The following POLR2F variants were observed in gnomAD, a reference collection of about 807,000 sequenced individuals.
POLR2F encodes DNA-directed RNA polymerases I, II, and III subunit RPABC2.
Under a neutral mutation model 22.7 loss-of-function variants are expected in POLR2F, and 12 were observed. That is an observed-to-expected ratio of 0.53 (90% CI 0.34 to 0.86). The LOEUF (loss-of-function observed/expected upper bound fraction) is 0.86. POLR2F is among the 40% of genes least tolerant of loss of function. The pLI is 0.02. For synonymous variants in POLR2F, 57 were observed against 66.0 expected (o/e 0.86, Z 0.66); for missense variants, 126 against 171.5 (o/e 0.73, Z 1.48).
At chr22:38,031,586 A>G (rs73886240), downstream of POLR2F, among the ~76,000 whole-genome samples, 1,311 of 152,290 alleles carry the variant, frequency 8.6e-3, 25 homozygotes, top group African/African-American at 0.03. The surrounding 1 kb of genome is among the most constrained non-coding windows in gnomAD (Gnocchi z 4.1). Context: ...GGTCCCCACC[A>G]GCACCAACAC....
chr22:38,014,178 A>G (rs182005011), intron 1 of POLR2F, among the ~76,000 whole-genome samples: 8 of 151,444 alleles, frequency 5.3e-5, no homozygotes, highest in Non-Finnish European at 4.4e-5. Context: ...TTCACCTTCT[A>G]TCTTGCAACC....
At chr22:37,973,557 G>A, downstream of POLR2F, 1 of 1,612,496 alleles carries the variant, frequency 6.2e-7, no homozygotes, top group Non-Finnish European at 8.5e-7. Context: ...TGGGACTGGG[G>A]CCCTGAGGGG....
intron 1 of POLR2F, among the ~76,000 whole-genome samples, chr22:37,993,306 C>A (rs1932756342): frequency 6.6e-6 from 1 of 152,162 alleles, no homozygotes; most frequent in African/African-American, 2.4e-5. Context: ...TCTTCTCATT[C>A]CAGATTCCTT....
intron 1 of POLR2F, among the ~76,000 whole-genome samples, chr22:38,014,427 C>T (rs150197015): frequency 7.7e-4 from 115 of 149,202 alleles, no homozygotes; most frequent in African/African-American, 2.7e-3. Flanking sequence ...CTCGGCTCAT[C>T]ACAACTTCTG....
At chr22:38,030,041 C>A (rs995693256), downstream of POLR2F, among the ~76,000 whole-genome samples, 3 of 152,226 alleles carry the variant, frequency 2.0e-5, no homozygotes, top group Non-Finnish European at 2.9e-5. Context: ...TTTCCACAAG[C>A]ATCATCTGTT....
upstream of POLR2F, chr22:37,983,835 C>T (rs750082298): frequency 8.2e-6 from 11 of 1,335,414 alleles, 2 homozygotes; most frequent in South Asian, 1.4e-4. The surrounding 1 kb of genome is among the most constrained non-coding windows in gnomAD (Gnocchi z 9.5). Flanking sequence ...CCCGGGCCAG[C>T]CGCCGGGGTC....
intron 1 of POLR2F, among the ~76,000 whole-genome samples, chr22:37,955,160 C>G (rs1014936460): frequency 6.6e-6 from 1 of 150,434 alleles, no homozygotes; most frequent in African/African-American, 2.5e-5. Context: ...TCAAAGGACA[C>G]CATGGAATTA....
In POLR2F at chr22:37,968,506, C is replaced by T. The variant is rs938220067; in HGVS notation, c.*791C>T. 4.1e-6 allele frequency: 4 copies of T among 985,822 alleles called. No individual in the cohort carries two copies. The African/African-American group carries it at 5.2e-5, about 13-fold the overall frequency. The allele number at this position is 985,822 out of a possible 1,614,324, so 61.1% of individuals were successfully genotyped here. On this transcript the variant is annotated 3_prime_UTR_variant, in exon 5 of 5. Coordinates refer to ENST00000442738, the MANE Select transcript of POLR2F (RefSeq NM_021974.5). ...GGGACATGGTGCTGGGGTGGTGGTG[C>T]TCCTGGGTTCCAGGTGTTACATTAA...
upstream of POLR2F, among the ~76,000 whole-genome samples, chr22:37,985,929 A>T (rs1932559544): frequency 6.6e-6 from 1 of 151,746 alleles, no homozygotes; most frequent in Non-Finnish European, 1.5e-5. Context: ...TAGGAGTTTG[A>T]TAAGGGTTTT....
intron 1 of POLR2F, among the ~76,000 whole-genome samples, chr22:37,994,831 A>G (rs1354524237): frequency 1.3e-5 from 2 of 152,108 alleles, no homozygotes. Flanking sequence ...TTGTAGAGAC[A>G]GGGTTTCACA....
downstream of POLR2F, among the ~76,000 whole-genome samples, chr22:38,030,749 C>T (rs751654755): frequency 3.3e-5 from 5 of 152,132 alleles, no homozygotes; most frequent in South Asian, 4.2e-4. Flanking sequence ...GGGTCACTCC[C>T]GGGATAAGAA....
At chr22:37,982,372 C>G (rs557569017), upstream of POLR2F, among the ~76,000 whole-genome samples, 4 of 152,306 alleles carry the variant, frequency 2.6e-5, no homozygotes, top group African/African-American at 9.6e-5. Flanking sequence ...TGGTCTCTTT[C>G]AGAGCTGCTC....
exon 3 of POLR2F, chr22:38,026,522 A>C: frequency 1.7e-5 from 6 of 343,916 alleles, no homozygotes; most frequent in Admixed American, 7.7e-5. Flanking sequence ...AGAGGAGGGA[A>C]GGCGGGATGG....
At chr22:37,998,076 G>T (rs949617490) in intron 1 of POLR2F, among the ~76,000 whole-genome samples, 1 of 152,140 alleles carries the variant, frequency 6.6e-6, no homozygotes, top group Non-Finnish European at 1.5e-5. Flanking sequence ...GGAGGGGTAT[G>T]TTCTTCCCCT....
chr22:37,963,145 C>T (rs1419365768), intron 3 of POLR2F, among the ~76,000 whole-genome samples: 1 of 152,064 alleles, frequency 6.6e-6, no homozygotes, highest in Non-Finnish European at 1.5e-5. Context: ...CGCCACCACG[C>T]CTGGCTAATT....
chr22:37,956,631 G>C, intron 1 of POLR2F, 142 bp from the exon 2 acceptor site: 2 of 665,220 alleles, frequency 3.0e-6, no homozygotes, highest in South Asian at 3.7e-5. Context: ...TGGCCAGGCT[G>C]GTCTTGAATT....
At chr22:38,029,566 A>G (rs564928233), downstream of POLR2F, among the ~76,000 whole-genome samples, 25 of 152,252 alleles carry the variant, frequency 1.6e-4, no homozygotes, top group African/African-American at 5.5e-4. Context: ...AGCACCTGGG[A>G]TGGGTTTTGA....
upstream of POLR2F, among the ~76,000 whole-genome samples, chr22:37,982,088 A>C (rs1932417439): frequency 6.6e-6 from 1 of 152,082 alleles, no homozygotes; most frequent in Admixed American, 6.5e-5. Flanking sequence ...CAAAGCCCTA[A>C]TTTTCTGGAA....
At chr22:37,986,136 T>C (rs1932567051), upstream of POLR2F, 6 of 1,514,718 alleles carry the variant, frequency 4.0e-6, no homozygotes, top group South Asian at 4.9e-5. This position sits in a 1 kb window ranked among gnomAD's most constrained non-coding sequence, Gnocchi z 4.7. Context: ...CACACACACA[T>C]AAAAAGCTTT....
Sources: allele counts gnomAD v4.1 joint callset (sites outside exome capture counted in the v4.1 genomes callset), GRCh38; gene constraint gnomAD v4.1.1; non-coding constraint Gnocchi (gnomAD v3.1); transcripts MANE v1.5; gene names NCBI Gene and HGNC (gene_info 2026-07-23, HGNC 2026-07-21).